The following GRM3 variants were observed in gnomAD, a reference collection of about 807,000 sequenced individuals.
GRM3 encodes glutamate metabotropic receptor 3.
A neutral mutation model predicts 70.5 loss-of-function variants in GRM3; 26 were observed. That is an observed-to-expected ratio of 0.37 (90% CI 0.27 to 0.51). The LOEUF (loss-of-function observed/expected upper bound fraction) is 0.51. Ranked by LOEUF, GRM3 falls within the 20% of genes least tolerant of loss-of-function variation. The pLI is 0.93. For synonymous variants in GRM3, 443 were observed against 434.9 expected (o/e 1.02, Z -0.23); for missense variants, 859 against 1,123.8 (o/e 0.76, Z 3.37).
At chr7:86,819,984 A>G (rs770857831) in intron 3 of GRM3, among the ~76,000 whole-genome samples, 2 of 152,164 alleles carry the variant, frequency 1.3e-5, no homozygotes, top group Non-Finnish European at 2.9e-5. Flanking sequence ...TTCTGTTCCC[A>G]GATGGCCACA....
rs763037140 is a variant in GRM3 at position 86,786,520 on chromosome 7, C to T, written c.728C>T (p.Thr243Met). Residue 243 changes from threonine to methionine, a missense_variant, in exon 3 of 6, where the codon ACG becomes ATG. By Grantham distance (81) the Thr-to-Met change is moderately conservative (BLOSUM62 -1). Transcript: ENST00000361669. The surrounding 1 kb of genome is among the most constrained non-coding windows in gnomAD (Gnocchi z 6.0). ...EARLRNICIA[T>M]AEKVGRSNIR... ...CGCCTGCGCAACATCTGCATCGCTA[C>T]GGCGGAGAAGGTGGGCCGCTCCAAC... is the stretch of plus-strand genomic sequence containing the variant. The T allele has an allele frequency of 6.8e-6, 11 of 1,614,142 alleles. No individual in the cohort carries two copies. Among genetic ancestry groups the T allele is most frequent in the East Asian group, 4.5e-5 (2 of 44,882 alleles).
At chr7:86,854,343 T>C (rs1798809662) in intron 5 of GRM3, among the ~76,000 whole-genome samples, 1 of 152,046 alleles carries the variant, frequency 6.6e-6, no homozygotes, top group Non-Finnish European at 1.5e-5. Flanking sequence ...AGAGTATTGG[T>C]ATTGAATTTT....
At chr7:86,673,169 C>T (rs543492065) in intron 1 of GRM3, among the ~76,000 whole-genome samples, 1 of 152,242 alleles carries the variant, frequency 6.6e-6, no homozygotes, top group African/African-American at 2.4e-5. Context: ...GAGCACTCAG[C>T]ACAACCTATC....
chr7:86,786,488 G>A lies in GRM3; in HGVS notation c.696G>A (p.Gln232=). 6.2e-7 allele frequency: 1 copy of A among 1,614,248 alleles called. No homozygotes were observed. The change falls in exon 3 of 6, where the codon CAG becomes CAA. Residue 232 remains glutamine, a synonymous_variant. Coordinates refer to ENST00000361669, the MANE Select transcript of GRM3 (RefSeq NM_000840.3). The surrounding 1 kb of genome is among the most constrained non-coding windows in gnomAD (Gnocchi z 6.0). ...YGETGIEAFE[Q]EARLRNICIA... ...AGACAGGGATCGAGGCCTTCGAGCA[G>A]GAAGCCCGCCTGCGCAACATCTGCA...
At chr7:86,740,872 C>T (rs539350584) in intron 1 of GRM3, among the ~76,000 whole-genome samples, 5 of 152,166 alleles carry the variant, frequency 3.3e-5, no homozygotes, top group Non-Finnish European at 5.9e-5. Flanking sequence ...CCATTTTTTT[C>T]CTGTGGTAGT....
At chr7:86,652,587 G>A (rs1228277709) in intron 1 of GRM3, among the ~76,000 whole-genome samples, 1 of 152,100 alleles carries the variant, frequency 6.6e-6, no homozygotes. Context: ...CCTTGGCCTC[G>A]AAAAGTGCTG....
intron 2 of GRM3, chr7:86,784,430 C>G (rs899630466): frequency 6.6e-6 from 1 of 152,132 alleles, no homozygotes; most frequent in Non-Finnish European, 1.5e-5. Context: ...GATGGCCTCT[C>G]CAGTGCTAGC....
intron 3 of GRM3, among the ~76,000 whole-genome samples, chr7:86,836,879 T>C (rs1584272510): frequency 6.6e-6 from 1 of 152,250 alleles, no homozygotes; most frequent in African/African-American, 2.4e-5. Flanking sequence ...CACACAATTA[T>C]TAAAAGACAG....
chr7:86,719,996 C>T (rs538246890), intron 1 of GRM3, among the ~76,000 whole-genome samples: 5 of 151,908 alleles, frequency 3.3e-5, no homozygotes, highest in Non-Finnish European at 7.4e-5. Flanking sequence ...TCAGCAAGCA[C>T]CAGATCTGGA....
At chr7:86,711,403 C>T (rs1190079791) in intron 1 of GRM3, among the ~76,000 whole-genome samples, 1 of 151,814 alleles carries the variant, frequency 6.6e-6, no homozygotes, top group Non-Finnish European at 1.5e-5. Flanking sequence ...AAAATATTTC[C>T]ACAATATTAT....
chr7:86,779,178 G>GA (rs557014571), intron 2 of GRM3, among the ~76,000 whole-genome samples: 3 of 151,928 alleles, frequency 2.0e-5, no homozygotes, highest in South Asian at 2.1e-4. Context: ...TATTGATTGT[G>GA]AAAAAAAATA....
At chr7:86,765,827 A>C (rs1345368967) in intron 2 of GRM3, among the ~76,000 whole-genome samples, 1 of 152,172 alleles carries the variant, frequency 6.6e-6, no homozygotes, top group South Asian at 2.1e-4. Flanking sequence ...TAGCTATTGC[A>C]ACATTAAACA....
rs533010926 is a variant in GRM3, at chr7:86,792,881, A to G, written c.1324+5765A>G. 1.6e-4 allele frequency among the ~76,000 whole-genome samples: 24 copies of G among 152,298 alleles called. No homozygotes were observed. The South Asian group carries it at 5.0e-3, about 32-fold the overall frequency. ...GAAGAAATCTTACTCCCAGGGCTTC[A>G]CTTATATGTGAAGAGGACAATTCCC... On this transcript the variant is annotated intron_variant, in intron 3 of 5. Coordinates refer to ENST00000361669, the MANE Select transcript of GRM3 (RefSeq NM_000840.3).
intron 1 of GRM3, among the ~76,000 whole-genome samples, chr7:86,703,463 G>A (rs1260517811): frequency 6.6e-6 from 1 of 151,944 alleles, no homozygotes; most frequent in African/African-American, 2.4e-5. Flanking sequence ...AAGTGTCCAA[G>A]AAGAAGTAGC....
In GRM3 at chr7:86,753,615, A is replaced by C. The variant is rs1480658582; in HGVS notation, c.-140-11391A>C. On this transcript the variant is annotated intron_variant, in intron 1 of 5. Transcript: ENST00000361669. ...TTTTAAGCTCTTCTATTTCCTTTTA[A>C]AATGCTCGCTGTGATTTGCTAATAT... Among the ~76,000 whole-genome samples the C allele has an allele frequency of 3.3e-4, 50 of 152,080 alleles. 2 individuals carry two copies. Among genetic ancestry groups the C allele is most frequent in the Admixed American group, 3.3e-3 (50 of 15,240 alleles).
chr7:86,828,245 TAACTACCAAA>T (rs1402897824), intron 3 of GRM3, among the ~76,000 whole-genome samples: 1 of 151,500 alleles, frequency 6.6e-6, no homozygotes, highest in Non-Finnish European at 1.5e-5. Flanking sequence ...GAATGCAAAT[TAACTACCAAA>T]AAAATCACAA....
chr7:86,775,160 T>C (rs1796854081), intron 2 of GRM3: 1 of 152,270 alleles, frequency 6.6e-6, no homozygotes, highest in East Asian at 1.9e-4. Flanking sequence ...TTGTGTTATC[T>C]TTTCTAAGAT....
intron 1 of GRM3, among the ~76,000 whole-genome samples, chr7:86,709,732 A>G (rs1480528109): frequency 6.6e-6 from 1 of 152,092 alleles, no homozygotes; most frequent in Non-Finnish European, 1.5e-5. Flanking sequence ...AAGTTCTATA[A>G]ATTGTACAGA....
intron 5 of GRM3, among the ~76,000 whole-genome samples, chr7:86,853,373 C>T (rs543736923): frequency 8.5e-4 from 130 of 152,190 alleles, no homozygotes; most frequent in South Asian, 2.1e-3. Flanking sequence ...TGTTACTGAC[C>T]CACTTTGGTA....
Sources: gnomAD v4.1 joint callset for allele counts (sites outside exome capture counted in the v4.1 genomes callset) on GRCh38, gnomAD v4.1.1 for gene constraint, Gnocchi (gnomAD v3.1) non-coding constraint, MANE v1.5 for transcripts, NCBI Gene and HGNC (gene_info 2026-07-23, HGNC 2026-07-21) for gene names.